The following APLF variants were observed in gnomAD, a reference collection of about 807,000 sequenced individuals.
APLF encodes the protein aprataxin and PNK-like factor.
In APLF, 61 loss-of-function variants were observed where a neutral mutation model predicts 55.6. That is an observed-to-expected ratio of 1.10 (90% CI 0.89 to 1.36). The LOEUF (loss-of-function observed/expected upper bound fraction) is 1.36. Among genes scored for constraint, APLF ranks in the 40% most tolerant of loss-of-function variants. The pLI is 0.00. For synonymous variants in APLF, 207 were observed against 214.8 expected (o/e 0.96, Z 0.32); for missense variants, 611 against 602.5 (o/e 1.01, Z -0.15).
intron 2 of APLF, among the ~76,000 whole-genome samples, chr2:68,493,436 T>C (rs1336810158): frequency 6.6e-6 from 1 of 152,190 alleles, no homozygotes; most frequent in African/African-American, 2.4e-5. Context: ...AAAACCCTTA[T>C]GACTTTAGAG....
Position 68,579,537 on chromosome 2 carries a change from C to A in APLF, c.*1515C>A. 2.8e-6 allele frequency: 1 copy of A among 351,688 alleles called. No individual in the cohort carries two copies. Among genetic ancestry groups the A allele is most frequent in the Non-Finnish European group, 4.0e-6 (1 of 251,490 alleles). 21.8% of individuals were successfully genotyped at this position (351,688 alleles called of 1,614,324 possible). On this transcript the variant is annotated 3_prime_UTR_variant, in exon 10 of 10. Coordinates refer to ENST00000303795, the MANE Select transcript of APLF (RefSeq NM_173545.3). ...TTAACAGCCAAAAAGTATAAACACCCAAAGTCTATCAACTATCAACTGGGT... is the reference window on the plus strand; with the variant it reads ...TTAACAGCCAAAAAGTATAAACACCAAAAGTCTATCAACTATCAACTGGGT...
intron 7 of APLF, among the ~76,000 whole-genome samples, chr2:68,544,889 A>G (rs1670656840): frequency 6.6e-6 from 1 of 152,174 alleles, no homozygotes; most frequent in South Asian, 2.1e-4. Context: ...TTATATGCTT[A>G]CATACATATG....
rs539696340 is a variant in APLF at position 68,480,302 on chromosome 2, CTT to C, written c.97-9876_97-9875del. Among the ~76,000 whole-genome samples the C allele has an allele frequency of 6.8e-3, 954 of 140,960 alleles. 5 individuals carry two copies. The highest frequency in any genetic ancestry group is 0.024 in the African/African-American group (901 of 38,320). The allele number at this position is 140,960 out of a possible 152,430, so 92.5% of individuals were successfully genotyped here. A position where few individuals can be genotyped will look rare whatever the true frequency, so the allele number is the denominator to read the frequency against. On this transcript the variant is annotated intron_variant, in intron 1 of 9. Transcript: ENST00000303795. ...TCCATTTAGATGCCCTTTCTTTTTC[CTT>C]TTTTTTTTTTTGTTTTTTGAGACGG...
chr2:68,548,487 A>G (rs1257963410), intron 8 of APLF, among the ~76,000 whole-genome samples: 1 of 151,920 alleles, frequency 6.6e-6, no homozygotes, highest in Non-Finnish European at 1.5e-5. Context: ...CAGTGTCATT[A>G]GTAATCAGGG....
intron 9 of APLF, 145 bp from the exon 10 acceptor site, chr2:68,577,675 G>T: frequency 1.1e-6 from 1 of 909,294 alleles, no homozygotes; most frequent in Non-Finnish European, 1.6e-6. Context: ...CATCATTTTA[G>T]TGCCGTTTCC....
chr2:68,516,461 G>A (rs912139842), intron 5 of APLF, among the ~76,000 whole-genome samples: 22 of 150,598 alleles, frequency 1.5e-4, no homozygotes, highest in Admixed American at 1.4e-3. Context: ...ATTTCAACAG[G>A]TTTTTGTGAA....
chr2:68,518,749 A>ATAATATATCAT (rs1669761657), intron 5 of APLF, among the ~76,000 whole-genome samples: 2 of 108,336 alleles, frequency 1.8e-5, no homozygotes, highest in African/African-American at 8.3e-5. Flanking sequence ...TATATCATTA[A>ATAATATATCAT]TATATAATAA....
intron 6 of APLF, chr2:68,535,141 C>A (rs1335428601): frequency 3.8e-6 from 1 of 266,634 alleles, no homozygotes. Flanking sequence ...ACATGTTAAA[C>A]CTATTCCTTG....
chr2:68,540,408 C>A (rs1437791625), intron 7 of APLF, among the ~76,000 whole-genome samples: 1 of 152,100 alleles, frequency 6.6e-6, no homozygotes, highest in African/African-American at 2.4e-5. Flanking sequence ...TCCAATGTAT[C>A]ATTGATGGGC....
intron 8 of APLF, among the ~76,000 whole-genome samples, chr2:68,561,239 G>C (rs1010326459): frequency 3.7e-4 from 57 of 152,096 alleles, no homozygotes; most frequent in African/African-American, 1.4e-3. Flanking sequence ...ACAATCTTAT[G>C]TGAGGTAGAC....
At chr2:68,566,900 T>G (rs1671326244) in intron 8 of APLF, among the ~76,000 whole-genome samples, 1 of 152,104 alleles carries the variant, frequency 6.6e-6, no homozygotes, top group African/African-American at 2.4e-5. Context: ...GGTGTTCTTT[T>G]GAAAGAATAC....
At chr2:68,567,300 T>G in intron 8 of APLF, 41 bp from the exon 9 acceptor site, 1 of 1,552,608 alleles carries the variant, frequency 6.4e-7, no homozygotes, top group Non-Finnish European at 8.8e-7. Context: ...CAACTTTTAG[T>G]AATTGGAAGA....
chr2:68,540,039 C>T (rs1031939749), intron 7 of APLF, among the ~76,000 whole-genome samples: 2 of 152,114 alleles, frequency 1.3e-5, no homozygotes, highest in Admixed American at 6.5e-5. Flanking sequence ...AATACATGTG[C>T]AGAACGTGCA....
intron 6 of APLF, among the ~76,000 whole-genome samples, chr2:68,537,162 C>G (rs1670414785): frequency 7.0e-6 from 1 of 142,716 alleles, no homozygotes; most frequent in Non-Finnish European, 1.5e-5. Flanking sequence ...AAGACTCCAT[C>G]TCAAAAAAAA....
chr2:68,559,441 T>G (rs1423311382), intron 8 of APLF, among the ~76,000 whole-genome samples: 1 of 152,192 alleles, frequency 6.6e-6, no homozygotes, highest in Non-Finnish European at 1.5e-5. Context: ...GTGCCTCCAC[T>G]TTGTGTAATA....
At chr2:68,525,929 C>A in intron 5 of APLF, 132 bp from the exon 6 acceptor site, 1 of 804,450 alleles carries the variant, frequency 1.2e-6, no homozygotes. Context: ...TTTGTATTTT[C>A]AGTAGAGACC....
At chr2:68,515,710 A>G (rs1669560794) in intron 5 of APLF, 5 of 983,950 alleles carry the variant, frequency 5.1e-6, no homozygotes, top group Non-Finnish European at 4.8e-6. Context: ...AAGCTTCAAA[A>G]TAAGATAGAA....
chr2:68,538,267 G>A, intron 7 of APLF, 40 bp downstream of exon 7: 2 of 1,522,218 alleles, frequency 1.3e-6, no homozygotes, highest in Non-Finnish European at 1.8e-6. Context: ...CCATTATTTT[G>A]ATAGCGTGTA....
intron 5 of APLF, among the ~76,000 whole-genome samples, 177 bp from the exon 6 acceptor site, chr2:68,525,884 G>A (rs1670029664): frequency 6.6e-6 from 1 of 150,710 alleles, no homozygotes; most frequent in Non-Finnish European, 1.5e-5. Context: ...TAAGTAGCTG[G>A]GACTGCAGGT....
Sources: gnomAD v4.1 joint callset for allele counts (sites outside exome capture counted in the v4.1 genomes callset) on GRCh38, gnomAD v4.1.1 for gene constraint, MANE v1.5 for transcripts, NCBI Gene and HGNC (gene_info 2026-07-23, HGNC 2026-07-21) for gene names.